The following KIF1B variants were observed in gnomAD, a reference collection of about 807,000 sequenced individuals.
KIF1B encodes the protein kinesin family member 1B.
KIF1B carries 76 observed loss-of-function variants against 241.9 expected under a neutral mutation model. That is an observed-to-expected ratio of 0.31 (90% CI 0.26 to 0.38). KIF1B has a LOEUF of 0.38. Ranked by LOEUF, KIF1B falls within the 10% of genes least tolerant of loss-of-function variation. The probability of loss-of-function intolerance (pLI) is 1.00; values close to 1 mark genes in which losing one functional copy is unlikely to be tolerated. For missense variants in KIF1B, 1,622 were observed against 2,271.4 expected, an observed-to-expected ratio of 0.71 and a Z score of 5.81; for synonymous variants, 750 against 796.7, an observed-to-expected ratio of 0.94 and a Z score of 0.99.
At chr1:10,292,436 A>T in intron 17 of KIF1B, 1 of 320,680 alleles carries the variant, frequency 3.1e-6, no homozygotes, top group South Asian at 3.2e-5. Flanking sequence ...AACCTAGCGT[A>T]CTTTCAGTTT....
At chr1:10,315,907 T>A (rs1184682885) in intron 22 of KIF1B, among the ~76,000 whole-genome samples, 1 of 151,104 alleles carries the variant, frequency 6.6e-6, no homozygotes, top group African/African-American at 2.5e-5. Context: ...AATACAAAAT[T>A]TAACTGGGCA....
At position 10,326,103 on chromosome 1, in the gene KIF1B, G is replaced by T; in HGVS notation, c.2676-8G>T. 1 of 1,613,872 alleles carries T rather than the reference G, an allele frequency of 6.2e-7. No individual in the cohort carries two copies. Reference sequence around the variant, plus strand: ...GCTGTGTTAATTGGCGTCTTACCTGGTGTCTAGCTCCCCCATTTTCCACGG... The same window carrying T: ...GCTGTGTTAATTGGCGTCTTACCTGTTGTCTAGCTCCCCCATTTTCCACGG... On this transcript the variant is annotated splice_region_variant and splice_polypyrimidine_tract_variant and intron_variant, in intron 26 of 48. Coordinates refer to ENST00000676179, the MANE Select transcript of KIF1B (RefSeq NM_001365951.3). The surrounding 1 kb of genome is among the most constrained non-coding windows in gnomAD (Gnocchi z 5.2).
intron 22 of KIF1B, chr1:10,299,065 A>G (rs935778717): frequency 8.8e-5 from 10 of 113,470 alleles, no homozygotes; most frequent in Non-Finnish European, 1.9e-4. Flanking sequence ...GAAGCGTTCC[A>G]TATTTAAAAA....
intron 22 of KIF1B, among the ~76,000 whole-genome samples, chr1:10,300,191 C>T (rs544997592): frequency 9.3e-5 from 14 of 150,464 alleles, no homozygotes; most frequent in African/African-American, 1.7e-4. Context: ...GAGCCAAGAT[C>T]GCGCAACTGC....
rs1638970869 is a variant in KIF1B at position 10,379,509 on chromosome 1, T to A, written c.*2922T>A. The A allele has an allele frequency of 2.6e-5, 6 of 231,804 alleles. No individual in the cohort carries two copies. The East Asian group carries it at 3.7e-4, about 14-fold the overall frequency. 14.4% of individuals were successfully genotyped at this position (231,804 alleles called of 1,614,324 possible). ...CAGAACCATCCCCACTGTGAGGCTG[T>A]GAGAGATTTGTGGCAGGAACTGTTT... On this transcript the variant is annotated 3_prime_UTR_variant, in exon 49 of 49. Coordinates refer to ENST00000676179, the MANE Select transcript of KIF1B (RefSeq NM_001365951.3).
chr1:10,216,920 G>A (rs1211143620), intron 1 of KIF1B, among the ~76,000 whole-genome samples: 2 of 137,832 alleles, frequency 1.5e-5, no homozygotes, highest in Non-Finnish European at 3.1e-5. Context: ...TCGCAGTATT[G>A]GTTACTCTTC....
Position 10,303,205 on chromosome 1 carries a change from T to C in KIF1B, c.2115+5959T>C. The C allele has an allele frequency of 6.2e-7, 1 of 1,614,094 alleles. No individual in the cohort carries two copies. Among genetic ancestry groups the C allele is most frequent in the East Asian group, 2.2e-5 (1 of 44,886 alleles). Reference sequence around the variant, plus strand: ...CGGGGACGATTCTGACAAGAGGTCGTGTGAAGAGAGCTGGAAACTGATTAC... The same window carrying C: ...CGGGGACGATTCTGACAAGAGGTCGCGTGAAGAGAGCTGGAAACTGATTAC... On this transcript the variant is annotated intron_variant, in intron 22 of 48. Transcript: ENST00000676179. The surrounding 1 kb of genome is among the most constrained non-coding windows in gnomAD (Gnocchi z 5.2).
chr1:10,213,745 G>C (rs1646726454), intron 1 of KIF1B, among the ~76,000 whole-genome samples: 1 of 152,184 alleles, frequency 6.6e-6, no homozygotes, highest in African/African-American at 2.4e-5. Context: ...CTGTGAAACA[G>C]TGTGAATAAA....
intron 27 of KIF1B, among the ~76,000 whole-genome samples, chr1:10,328,546 ATAAT>A (rs1651806627): frequency 2.0e-5 from 3 of 152,386 alleles, no homozygotes; most frequent in Admixed American, 2.0e-4. Flanking sequence ...TAATGGGACA[ATAAT>A]GCTTGCTTCA....
intron 44 of KIF1B, 55 bp downstream of exon 44, chr1:10,368,593 AG>A: frequency 2.1e-6 from 3 of 1,447,084 alleles, no homozygotes; most frequent in Non-Finnish European, 2.9e-6. Context: ...ATTTCTCCAC[AG>A]CAGCCCAGAT....
chr1:10,232,476 CCTTT>C (rs1036126384), intron 2 of KIF1B, 42 bp downstream of exon 2: 6 of 1,391,438 alleles, frequency 4.3e-6, no homozygotes, highest in Non-Finnish European at 5.1e-6. Context: ...ATCTTACTTT[CCTTT>C]CTTCTTTCCC....
chr1:10,320,047 A>T lies in KIF1B; in HGVS notation c.2120A>T (p.Tyr707Phe), dbSNP rs140536329. The change falls in exon 23 of 49, where the codon TAT (tyrosine) becomes TTT (phenylalanine). Residue 707 changes from tyrosine to phenylalanine, a missense_variant. Around this residue, in one of 7 missense-constraint regions of KIF1B, gnomAD observed 803 missense variants for 1,112.0 expected, o/e 0.72. Coordinates refer to ENST00000676179, the MANE Select transcript of KIF1B (RefSeq NM_001365951.3). The stretch of plus-strand genomic sequence containing the variant: ...ATCTCCTTTCTTTTCATTCAGGACT[A>T]TGAGAGTAAATTGCAGGCCTTGCAG... ...DLLLEQQRLD[Y>F]ESKLQALQKQ... 127 of 1,608,766 alleles carry T rather than the reference A, an allele frequency of 7.9e-5. No individual in the cohort carries two copies. Among genetic ancestry groups the T allele is most frequent in the Non-Finnish European group, 1.1e-4 (125 of 1,175,544 alleles).
At chr1:10,355,338 CACTA>C (rs1185418875) in intron 38 of KIF1B, 1 of 152,432 alleles carries the variant, frequency 6.6e-6, no homozygotes, top group Non-Finnish European at 1.5e-5. Context: ...TTTTTTGCTG[CACTA>C]ACTAAAGCCT....
chr1:10,349,329 GGAGGCT>G (rs1652703959), intron 37 of KIF1B, among the ~76,000 whole-genome samples: 1 of 152,034 alleles, frequency 6.6e-6, no homozygotes, highest in Non-Finnish European at 1.5e-5. Context: ...TGGCTACTCG[GGAGGCT>G]GAGGTGGGAG....
At position 10,363,368 on chromosome 1, in the gene KIF1B, G is replaced by A. The variant is rs373894895; in HGVS notation, c.4366+24G>A. 11 of 1,579,638 alleles carry A rather than the reference G, an allele frequency of 7.0e-6. No individual in the cohort carries two copies. In the Admixed American group the frequency reaches 1.7e-4, roughly 24 times the overall value. On this transcript the variant is annotated intron_variant, in intron 41 of 48. Transcript: ENST00000676179. ...AGGTAAGCTCTTGTGGATTGAGGAG[G>A]TGATAGTTATCTTTGTGTATGTTTC...
intron 1 of KIF1B, among the ~76,000 whole-genome samples, chr1:10,215,922 A>T (rs1187108900): frequency 6.6e-6 from 1 of 152,218 alleles, no homozygotes; most frequent in Non-Finnish European, 1.5e-5. Context: ...TCATCTTGGC[A>T]GATGTCAATG....
intron 22 of KIF1B, among the ~76,000 whole-genome samples, chr1:10,310,435 A>G (rs1470522647): frequency 6.6e-6 from 1 of 151,580 alleles, no homozygotes; most frequent in Non-Finnish European, 1.5e-5. Flanking sequence ...GACTTAGTGG[A>G]CCATGTGGTC....
At chr1:10,350,409 A>C (rs1242105410) in intron 37 of KIF1B, among the ~76,000 whole-genome samples, 2 of 151,756 alleles carry the variant, frequency 1.3e-5, no homozygotes, top group African/African-American at 4.9e-5. Flanking sequence ...AATACAAAAA[A>C]ATTAGCCAGG....
intron 40 of KIF1B, among the ~76,000 whole-genome samples, chr1:10,362,130 T>C (rs1168822321): frequency 1.3e-5 from 2 of 152,146 alleles, no homozygotes; most frequent in African/African-American, 4.8e-5. Context: ...CCATTGAAAT[T>C]TTCTTCTTTT....
Sources: gnomAD v4.1 joint callset for allele counts (sites outside exome capture counted in the v4.1 genomes callset) on GRCh38, gnomAD v4.1.1 for gene constraint, gnomAD v4.1.1 regional missense constraint, Gnocchi (gnomAD v3.1) non-coding constraint, MANE v1.5 for transcripts, NCBI Gene and HGNC (gene_info 2026-07-23, HGNC 2026-07-21) for gene names.